TSPAN18: variants seen among roughly 807,000 people sequenced by gnomAD.
TSPAN18 encodes the protein tetraspanin-18.
TSPAN18 carries 14 observed loss-of-function variants against 27.3 expected under a neutral mutation model. The ratio of observed to expected loss-of-function variants is 0.51; its 90% CI spans 0.34 to 0.80. The LOEUF (loss-of-function observed/expected upper bound fraction) is 0.80. TSPAN18 is among the 30% of genes least tolerant of loss of function. TSPAN18 has a pLI of 0.01. For missense variants in TSPAN18, 268 were observed against 323.9 expected, an observed-to-expected ratio of 0.83 and a Z score of 1.32; for synonymous variants, 143 against 136.5, an observed-to-expected ratio of 1.05 and a Z score of -0.33.
rs140809204 is a variant in TSPAN18 at position 44,858,539 on chromosome 11, G to A, written c.-152-1789G>A. On this transcript the variant is annotated intron_variant, in intron 2 of 9. Coordinates refer to ENST00000520358, the MANE Select transcript of TSPAN18 (RefSeq NM_130783.5). Reference sequence around the variant, plus strand: ...TCACAGCAAGTTAGTGTGGTGTTGGGACTGGAACCCAGGACTCCTGCCTGT... The same window carrying A: ...TCACAGCAAGTTAGTGTGGTGTTGGAACTGGAACCCAGGACTCCTGCCTGT... 9.2e-3 allele frequency among the ~76,000 whole-genome samples: 1,402 copies of A among 152,276 alleles called. 11 individuals are homozygous for A. Among genetic ancestry groups the A allele is most frequent in the Non-Finnish European group, 0.014 (945 of 68,028 alleles).
chr11:44,842,804 C>G (rs959430446), intron 2 of TSPAN18, among the ~76,000 whole-genome samples: 5 of 152,142 alleles, frequency 3.3e-5, no homozygotes, highest in Admixed American at 3.3e-4. Context: ...GTGTGCAGCT[C>G]AAGAATTTTT....
At chr11:44,860,822 G>C (rs1272780233) in intron 3 of TSPAN18, among the ~76,000 whole-genome samples, 2 of 152,236 alleles carry the variant, frequency 1.3e-5, no homozygotes, top group African/African-American at 4.8e-5. Context: ...GCAAGAACCA[G>C]TGGTGGGTCA....
intron 1 of TSPAN18, among the ~76,000 whole-genome samples, chr11:44,749,871 C>T (rs1246274917): frequency 2.0e-5 from 3 of 152,280 alleles, no homozygotes; most frequent in African/African-American, 4.8e-5. Context: ...CTCCTGACCT[C>T]GTGATCCACC....
At chr11:44,850,106 C>A (rs1857565814) in intron 2 of TSPAN18, among the ~76,000 whole-genome samples, 1 of 152,190 alleles carries the variant, frequency 6.6e-6, no homozygotes, top group Non-Finnish European at 1.5e-5. Flanking sequence ...TCTCGGCTCC[C>A]TTCCTCCAGA....
At chr11:44,852,999 C>T (rs532838925) in intron 2 of TSPAN18, among the ~76,000 whole-genome samples, 1 of 152,338 alleles carries the variant, frequency 6.6e-6, no homozygotes, top group Admixed American at 6.5e-5. Flanking sequence ...TCATCAAAAG[C>T]TCAAGTGTTC....
chr11:44,756,516 C>G (rs1316799887), intron 1 of TSPAN18, among the ~76,000 whole-genome samples: 1 of 152,134 alleles, frequency 6.6e-6, no homozygotes, highest in African/African-American at 2.4e-5. Flanking sequence ...CTCCATAACT[C>G]TTTTTATTTT....
intron 2 of TSPAN18, among the ~76,000 whole-genome samples, chr11:44,801,943 G>A (rs570759904): frequency 2.0e-5 from 3 of 152,110 alleles, no homozygotes; most frequent in Non-Finnish European, 4.4e-5. Flanking sequence ...GAGGTGGGAG[G>A]ATTGCTTGAG....
At chr11:44,906,285 C>G in intron 3 of TSPAN18, 122 bp from the exon 4 acceptor site, 1 of 865,102 alleles carries the variant, frequency 1.2e-6, no homozygotes, top group Non-Finnish European at 2.0e-6. Context: ...TATCATCGGC[C>G]TCCATCTTCT....
intron 1 of TSPAN18, among the ~76,000 whole-genome samples, chr11:44,747,254 C>A (rs1855101566): frequency 6.6e-6 from 1 of 152,222 alleles, no homozygotes; most frequent in African/African-American, 2.4e-5. Context: ...AGCAGCCCTG[C>A]CTAAAAGAGG....
chr11:44,740,128 G>A (rs1215716208), intron 1 of TSPAN18, among the ~76,000 whole-genome samples: 1 of 152,166 alleles, frequency 6.6e-6, no homozygotes, highest in Non-Finnish European at 1.5e-5. Flanking sequence ...GGCCCTCTCC[G>A]ATCTCTGCCC....
intron 2 of TSPAN18, among the ~76,000 whole-genome samples, chr11:44,794,591 C>T (rs762971772): frequency 5.3e-5 from 8 of 151,982 alleles, no homozygotes; most frequent in African/African-American, 1.7e-4. Context: ...TCATTTGAAC[C>T]CAGAAGGCGG....
chr11:44,896,468 C>T (rs1859054623), intron 3 of TSPAN18, among the ~76,000 whole-genome samples: 1 of 152,072 alleles, frequency 6.6e-6, no homozygotes, highest in South Asian at 2.1e-4. Flanking sequence ...CAGCACTGTA[C>T]CCCAAGTGCA....
Position 44,926,754 on chromosome 11 carries a change from C to A in TSPAN18, c.696C>A (p.Ile232=), listed in dbSNP as rs749196732. 60 of 1,614,012 alleles carry A rather than the reference C, an allele frequency of 3.7e-5. No homozygotes were observed. The highest frequency in any genetic ancestry group is 5.1e-5 in the Non-Finnish European group (60 of 1,179,990). Residue 232 remains isoleucine, a synonymous_variant, in exon 9 of 10, where the codon ATC becomes ATA. Coordinates refer to ENST00000520358, the MANE Select transcript of TSPAN18 (RefSeq NM_130783.5). ...AGALAIGVLA[I]ELFAMIFAMC... Reference sequence around the variant, plus strand: ...CCCTTGCCATCGGGGTACTGGCCATCGAGGTAAGTAAAGGCCCCCACTTCT... The same window carrying A: ...CCCTTGCCATCGGGGTACTGGCCATAGAGGTAAGTAAAGGCCCCCACTTCT...
intron 2 of TSPAN18, among the ~76,000 whole-genome samples, chr11:44,826,508 G>A (rs931609200): frequency 2.0e-5 from 3 of 152,170 alleles, no homozygotes; most frequent in African/African-American, 4.8e-5. Flanking sequence ...GTCTATCGCC[G>A]GCAGGTACCA....
chr11:44,742,479 A>C (rs1160737090), intron 1 of TSPAN18, among the ~76,000 whole-genome samples: 1 of 151,742 alleles, frequency 6.6e-6, no homozygotes, highest in Non-Finnish European at 1.5e-5. Flanking sequence ...AGGGTCATCC[A>C]TCCAGAAGGT....
At chr11:44,883,013 C>A (rs1367687772) in intron 3 of TSPAN18, among the ~76,000 whole-genome samples, 1 of 152,172 alleles carries the variant, frequency 6.6e-6, no homozygotes, top group Non-Finnish European at 1.5e-5. Flanking sequence ...TTTAGCAGGG[C>A]AGCATGAGTG....
intron 2 of TSPAN18, among the ~76,000 whole-genome samples, chr11:44,776,020 A>G (rs759786956): frequency 7.9e-5 from 12 of 152,210 alleles, no homozygotes; most frequent in Non-Finnish European, 1.0e-4. Flanking sequence ...TAAGTGCACC[A>G]TAATGACCAT....
At chr11:44,913,725 C>T (rs1271988895) in intron 5 of TSPAN18, among the ~76,000 whole-genome samples, 1 of 152,214 alleles carries the variant, frequency 6.6e-6, no homozygotes, top group Non-Finnish European at 1.5e-5. Flanking sequence ...CCCAACTAGA[C>T]AACATAGCAG....
chr11:44,728,876 C>T (rs1272108737), intron 1 of TSPAN18, among the ~76,000 whole-genome samples: 1 of 152,228 alleles, frequency 6.6e-6, no homozygotes, highest in Non-Finnish European at 1.5e-5. Context: ...CCTCCCATCA[C>T]CCCAAGTGAG....
Sources: gnomAD v4.1 joint callset for allele counts (sites outside exome capture counted in the v4.1 genomes callset) on GRCh38, gnomAD v4.1.1 for gene constraint, MANE v1.5 for transcripts, NCBI Gene and HGNC (gene_info 2026-07-23, HGNC 2026-07-21) for gene names.